GCM2: variants seen among roughly 807,000 people sequenced by gnomAD.
GCM2 encodes the protein GCM transcription factor 2, also known as chorion-specific transcription factor GCMb.
Under a neutral mutation model 24.8 loss-of-function variants are expected in GCM2, and 21 were observed. That is an observed-to-expected ratio of 0.85 (90% CI 0.60 to 1.22). The LOEUF (loss-of-function observed/expected upper bound fraction) is 1.22, where lower values mean the gene tolerates loss of function less well. Ranked by LOEUF, GCM2 falls within the 50% of genes most tolerant of loss-of-function variation. The pLI is 0.00. For missense variants in GCM2, 532 were observed against 645.6 expected, an observed-to-expected ratio of 0.82 and a Z score of 1.91; for synonymous variants, 222 against 238.0, an observed-to-expected ratio of 0.93 and a Z score of 0.62.
At chr6:10,877,061 TCAAA>T (rs1188377349) in intron 2 of GCM2, 75 bp downstream of exon 2, 50 of 1,562,930 alleles carry the variant, frequency 3.2e-5, no homozygotes, top group South Asian at 1.4e-4. Context: ...AGGCTCCATC[TCAAA>T]CAAACAAACA....
Position 10,874,590 on chromosome 6 carries a change from G to A in GCM2, c.926C>T (p.Thr309Ile). The A allele has an allele frequency of 6.2e-7, 1 of 1,614,016 alleles. No individual in the cohort carries two copies. Among genetic ancestry groups the A allele is most frequent in the Non-Finnish European group, 8.5e-7 (1 of 1,179,876 alleles). Reference protein sequence around the residue: ...PNDTDWVHLNTLQCNVNSYSS... With the variant: ...PNDTDWVHLNILQCNVNSYSS... Reference sequence around the variant, plus strand: ...GTATGAATTGACATTACATTGTAGTGTGTTCAGATGAACCCAGTCTGTGTC... The same window carrying A: ...GTATGAATTGACATTACATTGTAGTATGTTCAGATGAACCCAGTCTGTGTC... Residue 309 changes from threonine (T) to isoleucine (I), a missense_variant, in exon 5 of 5, where the codon ACA (threonine) becomes ATA (isoleucine). Thr to Ile is a moderately conservative substitution (Grantham distance 89). Around this residue, in one of 3 missense-constraint regions of GCM2, gnomAD observed 434 missense variants for 521.9 expected, o/e 0.83. Coordinates refer to ENST00000379491, the MANE Select transcript of GCM2 (RefSeq NM_004752.4).
chr6:10,874,948 CA>C lies in GCM2; in HGVS notation c.583-16del, dbSNP rs1198691970. 1 of 1,540,132 alleles carries C rather than the reference CA, an allele frequency of 6.5e-7. No homozygotes were observed. The highest frequency in any genetic ancestry group is 1.1e-5 in the South Asian group (1 of 89,584). On this transcript the variant is annotated splice_polypyrimidine_tract_variant and intron_variant, in intron 4 of 4. Transcript: ENST00000379491. ...TTTTCTTCTGCCTAGAAAAATGATA[CA>C]AACATAGACACACGCTATGTAAATC...
At position 10,873,846 on chromosome 6, in the gene GCM2, A is replaced by T; in HGVS notation, c.*149T>A. On this transcript the variant is annotated 3_prime_UTR_variant, in exon 5 of 5. Transcript: ENST00000379491. ...ATTATCTAATCATTTCCAACTGATT[A>T]TTTTCTCAGTTACTCAGAATTTTTA... The T allele has an allele frequency of 1.4e-6, 1 of 709,766 alleles. No homozygotes were observed. The highest frequency in any genetic ancestry group is 2.5e-6 in the Non-Finnish European group (1 of 397,028). 44.0% of individuals were successfully genotyped at this position (709,766 alleles called of 1,614,324 possible). A position where few individuals can be genotyped will look rare whatever the true frequency, so the allele number is the denominator to read the frequency against.
At chr6:10,879,504 C>A (rs1158508237) in intron 1 of GCM2, among the ~76,000 whole-genome samples, 1 of 152,140 alleles carries the variant, frequency 6.6e-6, no homozygotes, top group Non-Finnish European at 1.5e-5. Flanking sequence ...AGACACTGAA[C>A]CTGATCGTAG....
intron 1 of GCM2, among the ~76,000 whole-genome samples, chr6:10,878,986 A>G (rs1779920610): frequency 6.6e-6 from 1 of 152,230 alleles, no homozygotes; most frequent in African/African-American, 2.4e-5. Context: ...TGAAGTATTC[A>G]CAGTTGGAAA....
intron 1 of GCM2, among the ~76,000 whole-genome samples, chr6:10,878,944 C>T (rs1779920342): frequency 6.6e-6 from 1 of 152,174 alleles, no homozygotes; most frequent in Non-Finnish European, 1.5e-5. Flanking sequence ...ACTCTTGCCA[C>T]TCAGGAAAAT....
intron 1 of GCM2, among the ~76,000 whole-genome samples, chr6:10,881,039 AG>A (rs1779950500): frequency 6.6e-6 from 1 of 152,258 alleles, no homozygotes; most frequent in Non-Finnish European, 1.5e-5. Flanking sequence ...GTGAAAGGAC[AG>A]GCGTCCCGCT....
chr6:10,881,610 G>A (rs1779960362), intron 1 of GCM2, 94 bp downstream of exon 1: 3 of 606,728 alleles, frequency 4.9e-6, no homozygotes, highest in East Asian at 3.6e-5. Flanking sequence ...GTGTGTGTAT[G>A]GTCCGTCCGC....
chr6:10,876,294 C>T lies in GCM2; in HGVS notation c.456+151G>A, dbSNP rs192283445. 120 of 718,348 alleles carry T rather than the reference C, an allele frequency of 1.7e-4. No individual in the cohort carries two copies. The East Asian group carries it at 2.5e-3, about 15-fold the overall frequency. The allele number at this position is 718,348 out of a possible 1,614,324, so 44.5% of individuals were successfully genotyped here. A position where few individuals can be genotyped will look rare whatever the true frequency, so the allele number is the denominator to read the frequency against. Reference sequence around the variant, plus strand: ...AGTAGTGAGTGAATTTCTAGGCTCCCGCTAGGTCCCTGGGGAGCTCCAGCA... The same window carrying T: ...AGTAGTGAGTGAATTTCTAGGCTCCTGCTAGGTCCCTGGGGAGCTCCAGCA... On this transcript the variant is annotated intron_variant, in intron 3 of 4. Coordinates refer to ENST00000379491, the MANE Select transcript of GCM2 (RefSeq NM_004752.4).
intron 1 of GCM2, among the ~76,000 whole-genome samples, chr6:10,878,985 C>A (rs1215697565): frequency 6.6e-6 from 1 of 152,180 alleles, no homozygotes; most frequent in African/African-American, 2.4e-5. Flanking sequence ...CTGAAGTATT[C>A]ACAGTTGGAA....
chr6:10,878,600 A>G (rs575282009), intron 1 of GCM2, among the ~76,000 whole-genome samples: 6 of 152,136 alleles, frequency 3.9e-5, no homozygotes, highest in Admixed American at 6.6e-5. Flanking sequence ...TTACAGGCAT[A>G]AGCCACCATG....
intron 2 of GCM2, among the ~76,000 whole-genome samples, 156 bp downstream of exon 2, chr6:10,876,984 A>C (rs1436083610): frequency 6.6e-6 from 1 of 152,150 alleles, no homozygotes. Flanking sequence ...GATCGCTTGA[A>C]CCCGGGAGGC....
intron 4 of GCM2, among the ~76,000 whole-genome samples, chr6:10,875,243 G>A (rs1449298713): frequency 1.3e-5 from 2 of 152,128 alleles, no homozygotes; most frequent in African/African-American, 2.4e-5. Context: ...GGAGCCACAC[G>A]GGCCTGGGTT....
chr6:10,881,332 A>AT (rs2113255976), intron 1 of GCM2, among the ~76,000 whole-genome samples: 1 of 151,860 alleles, frequency 6.6e-6, no homozygotes, highest in South Asian at 2.1e-4. Flanking sequence ...CTGATTTTGT[A>AT]TTTTTGGTAG....
chr6:10,881,397 A>G (rs1039954373), intron 1 of GCM2, among the ~76,000 whole-genome samples: 3 of 151,914 alleles, frequency 2.0e-5, no homozygotes, highest in Non-Finnish European at 4.4e-5. Flanking sequence ...ACCTCAGATG[A>G]TCCACCCGCC....
chr6:10,874,645 G>T lies in GCM2; in HGVS notation c.871C>A (p.Leu291Ile). ...GYTNSSPYPT[L>I]YKDSTSIPND... ...GGGATACTGGTGGAATCCTTATAAA[G>T]GGTGGGATATGGGCTTGAATTTGTA... Residue 291 changes from leucine to isoleucine, a missense_variant, in exon 5 of 5, where the codon CTT (leucine) becomes ATT (isoleucine). Transcript: ENST00000379491. 1 of 1,614,240 alleles carries T rather than the reference G, an allele frequency of 6.2e-7. No individual in the cohort carries two copies. Among genetic ancestry groups the T allele is most frequent in the Non-Finnish European group, 8.5e-7 (1 of 1,180,046 alleles).
Position 10,873,801 on chromosome 6 carries a change from T to C in GCM2, c.*194A>G, listed in dbSNP as rs1173894170. Reference sequence around the variant, plus strand: ...CTATGTATTGTAGCCAGTTTCAAAATGCTGTGTGAAATTTCCCATATTATC... The same window carrying C: ...CTATGTATTGTAGCCAGTTTCAAAACGCTGTGTGAAATTTCCCATATTATC... On this transcript the variant is annotated 3_prime_UTR_variant, in exon 5 of 5. Coordinates refer to ENST00000379491, the MANE Select transcript of GCM2 (RefSeq NM_004752.4). 3.1e-6 allele frequency: 2 copies of C among 640,068 alleles called. No individual in the cohort carries two copies. Among genetic ancestry groups the C allele is most frequent in the African/African-American group, 3.6e-5 (2 of 55,658 alleles). The allele number at this position is 640,068 out of a possible 1,614,324, so 39.6% of individuals were successfully genotyped here.
In GCM2 at chr6:10,876,510, G is replaced by C. The variant is rs767846876; in HGVS notation, c.391C>G (p.Arg131Gly). 2.5e-6 allele frequency: 4 copies of C among 1,613,840 alleles called. No homozygotes were observed. The African/African-American group carries it at 5.3e-5, about 22-fold the overall frequency. Residue 131 changes from arginine (R) to glycine (G), a missense_variant, in exon 3 of 5, where the codon CGA becomes GGA. Around this residue, in one of 3 missense-constraint regions of GCM2, gnomAD observed 434 missense variants for 521.9 expected, o/e 0.83. Coordinates refer to ENST00000379491, the MANE Select transcript of GCM2 (RefSeq NM_004752.4). ...GTTACGGGGTATCCGCTGTGCCCTC[G>C]ACAAGGAATCAACTCCAAAGCAGAA... ...CHSALELIPC[R>G]GHSGYPVTNF... is the part of the protein sequence containing the mutation.
intron 1 of GCM2, among the ~76,000 whole-genome samples, chr6:10,878,284 A>G (rs1315293411): frequency 6.6e-6 from 1 of 152,140 alleles, no homozygotes; most frequent in Non-Finnish European, 1.5e-5. Flanking sequence ...TTTTGCATAT[A>G]AGTTTCATTG....
Sources: gnomAD v4.1 joint callset for allele counts (sites outside exome capture counted in the v4.1 genomes callset) on GRCh38, gnomAD v4.1.1 for gene constraint, gnomAD v4.1.1 regional missense constraint, MANE v1.5 for transcripts, NCBI Gene and HGNC (gene_info 2026-07-23, HGNC 2026-07-21) for gene names.